The following MMADHC variants were observed in gnomAD, a reference collection of about 807,000 sequenced individuals.
MMADHC encodes metabolism of cobalamin associated D.
Under a neutral mutation model 36.3 loss-of-function variants are expected in MMADHC, and 23 were observed. The ratio of observed to expected loss-of-function variants is 0.63; its 90% CI spans 0.46 to 0.90. The LOEUF (loss-of-function observed/expected upper bound fraction) is 0.90, where lower values mean the gene tolerates loss of function less well. Ranked by LOEUF, MMADHC falls within the 40% of genes least tolerant of loss-of-function variation. The pLI is 0.00. For synonymous variants in MMADHC, 97 were observed against 116.1 expected, an observed-to-expected ratio of 0.84 and a Z score of 1.06; for missense variants, 330 against 348.0, an observed-to-expected ratio of 0.95 and a Z score of 0.41.
At chr2:149,571,975 G>A (rs1014243902) in intron 6 of MMADHC, among the ~76,000 whole-genome samples, 26 of 151,936 alleles carry the variant, frequency 1.7e-4, no homozygotes, top group African/African-American at 6.3e-4. Flanking sequence ...ATATAACCTG[G>A]TAAATGATGT....
In MMADHC at chr2:149,579,621, G is replaced by A. The variant is rs747475934; in HGVS notation, c.182C>T (p.Thr61Ile). The A allele has an allele frequency of 6.2e-7, 1 of 1,613,952 alleles. No individual in the cohort carries two copies. The highest frequency in any genetic ancestry group is 8.5e-7 in the Non-Finnish European group (1 of 1,179,936). The change falls in exon 4 of 8, where the codon ACT becomes ATT. Residue 61 changes from threonine (T) to isoleucine (I), a missense_variant. Transcript: ENST00000303319. ...ATCTTGAGGTCCAAAGGGTCCCATAGTTTCATCAGGCCACACTGTTCGAGA... is the reference window on the plus strand; with the variant it reads ...ATCTTGAGGTCCAAAGGGTCCCATAATTTCATCAGGCCACACTGTTCGAGA... ...ICSRTVWPDE[T>I]MGPFGPQDQR...
At chr2:149,570,907 T>C (rs1280771177) in intron 7 of MMADHC, among the ~76,000 whole-genome samples, 178 bp downstream of exon 7, 1 of 152,230 alleles carries the variant, frequency 6.6e-6, no homozygotes, top group Non-Finnish European at 1.5e-5. Context: ...GAAACTTAAC[T>C]GTGAGTGATA....
In MMADHC at chr2:149,571,250, ACTAT is replaced by A. The variant is rs1573874473; in HGVS notation, c.610-83_610-80del. ...TTATTTTTAAATAAAATTTTAAGTGACTATCTTGTTTCAGAAAAGAACTCAAGAT... is the reference window on the plus strand; with the variant it reads ...TTATTTTTAAATAAAATTTTAAGTGACTTGTTTCAGAAAAGAACTCAAGAT... On this transcript the variant is annotated intron_variant, in intron 6 of 7. Transcript: ENST00000303319. The A allele has an allele frequency of 3.0e-5, 27 of 908,686 alleles. No homozygotes were observed. The East Asian group carries it at 7.3e-4, about 25-fold the overall frequency. The allele number at this position is 908,686 out of a possible 1,614,324, so 56.3% of individuals were successfully genotyped here.
rs374470946 is a variant in MMADHC, at chr2:149,576,459, T to C, written c.456A>G (p.Thr152=). The part of the protein sequence containing the change: ...ESARVECAIQ[T]CPELLRKDFE... ...TACCTTTTCGCAGCAATTCTGGACA[T>C]GTCTGTATTGCACACTCTACTCTGG... is the stretch of plus-strand genomic sequence containing the variant. The change falls in exon 5 of 8, where the codon ACA becomes ACG. Residue 152 remains threonine, a synonymous_variant. Transcript: ENST00000303319. The C allele has an allele frequency of 1.2e-6, 2 of 1,611,554 alleles. No individual in the cohort carries two copies. Among genetic ancestry groups the C allele is most frequent in the African/African-American group, 1.3e-5 (1 of 74,882 alleles).
intron 6 of MMADHC, 103 bp from the exon 7 acceptor site, chr2:149,571,274 C>A: frequency 1.5e-6 from 1 of 678,802 alleles, no homozygotes; most frequent in Non-Finnish European, 2.3e-6. Flanking sequence ...GAAAAGAACT[C>A]AAGATTAATA....
chr2:149,582,305 T>C (rs768493208), intron 2 of MMADHC, 34 bp from the exon 3 acceptor site: 4 of 1,605,636 alleles, frequency 2.5e-6, no homozygotes, highest in Non-Finnish European at 3.4e-6. Flanking sequence ...CTATTTGTTC[T>C]GAATATAAAT....
At chr2:149,586,949 C>A (rs1344591853) in intron 2 of MMADHC, 140 bp downstream of exon 2, 1 of 834,046 alleles carries the variant, frequency 1.2e-6, no homozygotes, top group Non-Finnish European at 2.0e-6. Flanking sequence ...TAATTTCACA[C>A]CACTTGCTTC....
intron 2 of MMADHC, among the ~76,000 whole-genome samples, chr2:149,586,192 G>A (rs1682866347): frequency 6.6e-6 from 1 of 152,192 alleles, no homozygotes; most frequent in South Asian, 2.1e-4. Flanking sequence ...ACAGCTCTAA[G>A]TGAATAATCA....
At chr2:149,570,413 CT>C (rs1682622059) in intron 7 of MMADHC, among the ~76,000 whole-genome samples, 2 of 152,102 alleles carry the variant, frequency 1.3e-5, no homozygotes, top group Admixed American at 1.3e-4. Flanking sequence ...ATATTGCATC[CT>C]TTGAAGATGG....
At chr2:149,570,694 T>G (rs945326047) in intron 7 of MMADHC, among the ~76,000 whole-genome samples, 6 of 152,214 alleles carry the variant, frequency 3.9e-5, no homozygotes, top group African/African-American at 1.4e-4. Context: ...TTTACTGGTC[T>G]AAGTATTTAT....
At chr2:149,572,524 A>T (rs1370918148) in intron 6 of MMADHC, among the ~76,000 whole-genome samples, 4 of 152,146 alleles carry the variant, frequency 2.6e-5, no homozygotes, top group African/African-American at 9.7e-5. Flanking sequence ...AGTAATCCCT[A>T]TATCTGCTCT....
chr2:149,579,687 A>G (rs1191594633), intron 3 of MMADHC, 39 bp from the exon 4 acceptor site: 22 of 1,512,934 alleles, frequency 1.5e-5, no homozygotes, highest in Non-Finnish European at 1.9e-5. Context: ...TCTCCTTAAT[A>G]GTCAAGTATA....
Position 149,579,537 on chromosome 2 carries a change from G to A in MMADHC, c.266C>T (p.Ser89Leu), listed in dbSNP as rs1365707483. The change falls in exon 4 of 8, where the codon TCA becomes TTA. Residue 89 changes from serine (S) to leucine (L), a missense_variant. Physicochemically the swap from Ser to Leu is moderately radical, Grantham distance 145. Transcript: ENST00000303319. Reference protein sequence around the residue: ...GFDCHLNGTASQKKSLVHKTL... With the variant: ...GFDCHLNGTALQKKSLVHKTL... ...TTTATGAACCAGGCTTTTCTTCTGT[G>A]AAGCAGTCCCATTGAGGTGACAATC... 6.2e-7 allele frequency: 1 copy of A among 1,613,790 alleles called. No individual in the cohort carries two copies. Among genetic ancestry groups the A allele is most frequent in the African/African-American group, 1.3e-5 (1 of 75,014 alleles).
chr2:149,586,302 T>C (rs549338973), intron 2 of MMADHC, among the ~76,000 whole-genome samples: 6 of 152,238 alleles, frequency 3.9e-5, no homozygotes, highest in Non-Finnish European at 2.9e-5. Flanking sequence ...CACTTATCTC[T>C]TTCATGCAGC....
rs1682721203 is a variant in MMADHC, at chr2:149,576,522, T to G, written c.393A>C (p.Glu131Asp). Reference sequence around the variant, plus strand: ...AAGTTTCTGCACTGTTAATTTCTTGTTCAACAGGTGCATCATTACCCTAAG... The same window carrying G: ...AAGTTTCTGCACTGTTAATTTCTTGGTCAACAGGTGCATCATTACCCTAAG... ...NEFQGNDAPV[E>D]QEINSAETYF... Residue 131 changes from glutamate (E) to aspartate (D), a missense_variant, in exon 5 of 8, where the codon GAA becomes GAC. By Grantham distance (45) the Glu-to-Asp change is conservative (BLOSUM62 2). Transcript: ENST00000303319. 3 of 1,613,182 alleles carry G rather than the reference T, an allele frequency of 1.9e-6. No homozygotes were observed. The African/African-American group carries it at 4.0e-5, about 22-fold the overall frequency.
Position 149,570,051 on chromosome 2 carries a change from T to A in MMADHC, c.814A>T (p.Thr272Ser), listed in dbSNP as rs1445218138. 1.2e-6 allele frequency: 2 copies of A among 1,613,746 alleles called. No individual in the cohort carries two copies. The highest frequency in any genetic ancestry group is 1.7e-5 in the Admixed American group (1 of 60,026). The change falls in exon 8 of 8, where the codon ACC becomes TCC. Residue 272 changes from threonine to serine, a missense_variant. By Grantham distance (58) the Thr-to-Ser change is moderately conservative (BLOSUM62 1). Transcript: ENST00000303319. ...CKVIRHSLWGTHVVVGSIFTN... is the reference protein window; with the variant it reads ...CKVIRHSLWGSHVVVGSIFTN... ...AAGATACTCCCTACAACTACATGGG[T>A]ACCCCAGAGACTATGACGAATCACT...
chr2:149,582,326 C>G lies in MMADHC; in HGVS notation c.10-55G>C. On this transcript the variant is annotated intron_variant, in intron 2 of 7. Transcript: ENST00000303319. ...GTTCTGAATATAAATGTTATACTTA[C>G]ATAGACAATCTCTGGCAAATCTTCA... 1.9e-6 allele frequency: 3 copies of G among 1,572,988 alleles called. 1 individual carries two copies. In the African/African-American group the frequency reaches 4.1e-5, roughly 21 times the overall value.
In MMADHC at chr2:149,576,437, C is replaced by A. The variant is rs1005641267; in HGVS notation, c.478G>T (p.Asp160Tyr). The A allele has an allele frequency of 4.4e-6, 7 of 1,597,944 alleles. No individual in the cohort carries two copies. Among genetic ancestry groups the A allele is most frequent in the South Asian group, 2.2e-5 (2 of 90,732 alleles). ...TTTCAAAGTATAAAGCATGACATAC[C>A]TTTTCGCAGCAATTCTGGACATGTC... ...IQTCPELLRK[D>Y]FESLFPEVAN... The change falls in exon 5 of 8, where the codon GAT (aspartate) becomes TAT (tyrosine). Residue 160 changes from aspartate (D) to tyrosine (Y), a missense_variant and splice_region_variant. By Grantham distance (160) the Asp-to-Tyr change is radical. Coordinates refer to ENST00000303319, the MANE Select transcript of MMADHC (RefSeq NM_015702.3).
At chr2:149,573,143 T>G (rs1682668051) in intron 6 of MMADHC, among the ~76,000 whole-genome samples, 1 of 152,168 alleles carries the variant, frequency 6.6e-6, no homozygotes, top group African/African-American at 2.4e-5. Context: ...TGTTTTGAAC[T>G]AGCCTCCTGC....
Sources: gnomAD v4.1 joint callset for allele counts (sites outside exome capture counted in the v4.1 genomes callset) on GRCh38, gnomAD v4.1.1 for gene constraint, MANE v1.5 for transcripts, NCBI Gene and HGNC (gene_info 2026-07-23, HGNC 2026-07-21) for gene names.